PPARA: variants seen among roughly 807,000 people sequenced by gnomAD.
PPARA encodes peroxisome proliferator activated receptor alpha, also known as peroxisome proliferator-activated receptor alpha.
In PPARA, 22 loss-of-function variants were observed where a neutral mutation model predicts 42.2. The observed-to-expected ratio is 0.52, with a 90% confidence interval of 0.37 to 0.74. PPARA has a LOEUF of 0.74. Ranked by LOEUF, PPARA falls within the 30% of genes least tolerant of loss-of-function variation. PPARA has a pLI of 0.00. For synonymous variants in PPARA, 242 were observed against 239.3 expected, an observed-to-expected ratio of 1.01 and a Z score of -0.10; for missense variants, 465 against 608.2, an observed-to-expected ratio of 0.76 and a Z score of 2.48.
chr22:46,181,838 G>A (rs1183637565), intron 3 of PPARA, among the ~76,000 whole-genome samples: 3 of 152,054 alleles, frequency 2.0e-5, no homozygotes, highest in Non-Finnish European at 4.4e-5. Flanking sequence ...GACCTGAGCC[G>A]AACCTAAGGC....
intron 3 of PPARA, among the ~76,000 whole-genome samples, chr22:46,197,625 G>A (rs1932429011): frequency 6.6e-6 from 1 of 152,138 alleles, no homozygotes. Flanking sequence ...CAAGTGGCCA[G>A]GCGCAGTGGC....
Position 46,216,070 on chromosome 22 carries a change from T to C in PPARA, c.369+737T>C, listed in dbSNP as rs1296161961. 6.6e-6 allele frequency among the ~76,000 whole-genome samples: 1 copy of C among 152,122 alleles called. No individual in the cohort carries two copies. Among genetic ancestry groups the C allele is most frequent in the African/African-American group, 2.4e-5 (1 of 41,438 alleles). The stretch of plus-strand genomic sequence containing the variant: ...TGTGCTTTGTAAATACTTAGAGAAG[T>C]GCATTCTTTAAAAGAAAATAAGTCA... On this transcript the variant is annotated intron_variant, in intron 5 of 8. Transcript: ENST00000407236. This position sits in a 1 kb window ranked among gnomAD's most constrained non-coding sequence, Gnocchi z 4.5.
At chr22:46,164,464 G>C (rs1028744509) in intron 2 of PPARA, 3 of 152,158 alleles carry the variant, frequency 2.0e-5, no homozygotes, top group Non-Finnish European at 2.9e-5. Flanking sequence ...TGTTGGCCAA[G>C]CTGGTCTTGA....
At chr22:46,194,326 T>C (rs1329307455) in intron 3 of PPARA, among the ~76,000 whole-genome samples, 2 of 152,216 alleles carry the variant, frequency 1.3e-5, no homozygotes, top group Non-Finnish European at 2.9e-5. Context: ...AATCCTGGTA[T>C]TGTTTAAAAG....
At chr22:46,159,928 AAG>A (rs2147121384) in intron 2 of PPARA, among the ~76,000 whole-genome samples, 1 of 152,340 alleles carries the variant, frequency 6.6e-6, no homozygotes, top group East Asian at 1.9e-4. Context: ...CTCCGAAGCC[AAG>A]AGAGAGGTTT....
rs140773712 is a variant in PPARA, at chr22:46,193,248, G to C, written c.-42-5094G>C. Among the ~76,000 whole-genome samples the C allele has an allele frequency of 9.2e-3, 1,394 of 152,196 alleles. 19 individuals carry two copies. The highest frequency in any genetic ancestry group is 0.032 in the African/African-American group (1,314 of 41,518). The stretch of plus-strand genomic sequence containing the variant: ...CACCTGGCTAATGTTTGTATTTTTA[G>C]TAGGGACCGGGTTTCACCAGGTTGA... On this transcript the variant is annotated intron_variant, in intron 3 of 8. Coordinates refer to ENST00000407236, the MANE Select transcript of PPARA (RefSeq NM_005036.6). The surrounding 1 kb of genome is among the most constrained non-coding windows in gnomAD (Gnocchi z 5.3).
Position 46,173,787 on chromosome 22 carries a change from G to A in PPARA, c.-126-2966G>A, listed in dbSNP as rs546948517. ...ACAGAAGCGAAGTGTTCTGTGGTGT[G>A]TAGGAGCACACTGCCATTCTTAGCA... On this transcript the variant is annotated intron_variant, in intron 2 of 8. Coordinates refer to ENST00000407236, the MANE Select transcript of PPARA (RefSeq NM_005036.6). The surrounding 1 kb of genome is among the most constrained non-coding windows in gnomAD (Gnocchi z 4.3). Among the ~76,000 whole-genome samples the A allele has an allele frequency of 4.6e-4, 70 of 152,336 alleles. No individual in the cohort carries two copies. Among genetic ancestry groups the A allele is most frequent in the African/African-American group, 1.7e-3 (70 of 41,582 alleles).
chr22:46,206,746 C>T (rs1473799656), intron 4 of PPARA, among the ~76,000 whole-genome samples: 2 of 151,748 alleles, frequency 1.3e-5, no homozygotes, highest in Middle Eastern at 3.2e-3. Flanking sequence ...TTACATTTAC[C>T]CACATAATTA....
rs1219618915 is a variant in PPARA at position 46,207,668 on chromosome 22, A to AT, written c.209-7503dup. Among the ~76,000 whole-genome samples the AT allele has an allele frequency of 4.8e-4, 38 of 79,714 alleles. 2 individuals carry two copies. The highest frequency in any genetic ancestry group is 7.8e-4 in the South Asian group (2 of 2,576). The allele number at this position is 79,714 out of a possible 152,430, so 52.3% of individuals were successfully genotyped here. Reference sequence around the variant, plus strand: ...ATTTATTATTATTATTATTATTATTATTATTATTATTTTTTTTTTTTTTTT... The same window carrying AT: ...ATTTATTATTATTATTATTATTATTATTTATTATTATTTTTTTTTTTTTTTT... On this transcript the variant is annotated intron_variant, in intron 4 of 8. Coordinates refer to ENST00000407236, the MANE Select transcript of PPARA (RefSeq NM_005036.6).
rs76769722 is a variant in PPARA at position 46,162,894 on chromosome 22, G to C, written c.-127+10924G>C. ...ACTTGAGCAGCTATTAGGGGCATATGTCAGTCATTCATTCCTCAGTTCATG... is the reference window on the plus strand; with the variant it reads ...ACTTGAGCAGCTATTAGGGGCATATCTCAGTCATTCATTCCTCAGTTCATG... On this transcript the variant is annotated intron_variant, in intron 2 of 8. Coordinates refer to ENST00000407236, the MANE Select transcript of PPARA (RefSeq NM_005036.6). The surrounding 1 kb of genome is among the most constrained non-coding windows in gnomAD (Gnocchi z 6.0). Among the ~76,000 whole-genome samples the C allele has an allele frequency of 4.4e-3, 673 of 152,348 alleles. 6 individuals are homozygous for C. The highest frequency in any genetic ancestry group is 0.016 in the African/African-American group (646 of 41,582).
Position 46,180,189 on chromosome 22 carries a change from A to C in PPARA, c.-43+3353A>C, listed in dbSNP as rs552938429. 1.2e-3 allele frequency among the ~76,000 whole-genome samples: 172 copies of C among 148,268 alleles called. 1 individual carries two copies. Among genetic ancestry groups the C allele is most frequent in the African/African-American group, 4.1e-3 (169 of 40,886 alleles). ...CAAACACATTGAAAAACAGGTTGGC[A>C]GTTGCTTTTTTTTTTTTTTGAGATG... is the stretch of plus-strand genomic sequence containing the variant. On this transcript the variant is annotated intron_variant, in intron 3 of 8. Transcript: ENST00000407236. The surrounding 1 kb of genome is among the most constrained non-coding windows in gnomAD (Gnocchi z 4.2).
At position 46,203,266 on chromosome 22, in the gene PPARA, G is replaced by A. The variant is rs1483178583; in HGVS notation, c.208+4675G>A. Among the ~76,000 whole-genome samples, 2 of 152,096 alleles carry A rather than the reference G, an allele frequency of 1.3e-5. No homozygotes were observed. The highest frequency in any genetic ancestry group is 2.9e-5 in the Non-Finnish European group (2 of 68,020). Reference sequence around the variant, plus strand: ...ATTTGTACCTAATCTGATCTTTTGGGTAATATTCCTAGTTATGTAGACTGG... The same window carrying A: ...ATTTGTACCTAATCTGATCTTTTGGATAATATTCCTAGTTATGTAGACTGG... On this transcript the variant is annotated intron_variant, in intron 4 of 8. Transcript: ENST00000407236. The surrounding 1 kb of genome is among the most constrained non-coding windows in gnomAD (Gnocchi z 5.8).
At chr22:46,194,697 G>A (rs1274919711) in intron 3 of PPARA, among the ~76,000 whole-genome samples, 4 of 148,436 alleles carry the variant, frequency 2.7e-5, no homozygotes, top group Non-Finnish European at 5.9e-5. Context: ...TCAGCCTCCC[G>A]AGTAGCTGGG....
At position 46,218,605 on chromosome 22, in the gene PPARA, GGGT is replaced by G. The variant is rs1376312450; in HGVS notation, c.508+207_508+209del. On this transcript the variant is annotated intron_variant, in intron 6 of 8. Transcript: ENST00000407236. Reference sequence around the variant, plus strand: ...TCCCAGCACTTTGGGAGGCTGAGGTGGGTGGATCACCTCAGGTCAGGAGTTTGA... The same window carrying G: ...TCCCAGCACTTTGGGAGGCTGAGGTGGGATCACCTCAGGTCAGGAGTTTGA... 2.0e-5 allele frequency among the ~76,000 whole-genome samples: 3 copies of G among 151,940 alleles called. No homozygotes were observed. The East Asian group carries it at 5.8e-4, about 29-fold the overall frequency.
intron 4 of PPARA, among the ~76,000 whole-genome samples, chr22:46,201,108 G>A (rs1413432627): frequency 7.0e-6 from 1 of 142,980 alleles, no homozygotes; most frequent in African/African-American, 2.7e-5. Context: ...CTGGGCAACA[G>A]AGCAAGATTC....
chr22:46,214,275 T>C (rs1369358830), intron 4 of PPARA, among the ~76,000 whole-genome samples: 1 of 151,944 alleles, frequency 6.6e-6, no homozygotes. Flanking sequence ...TGGAGATGTG[T>C]GCAGCGGAGA....
intron 4 of PPARA, among the ~76,000 whole-genome samples, chr22:46,202,735 G>A (rs1029817363): frequency 2.0e-5 from 3 of 149,986 alleles, no homozygotes; most frequent in African/African-American, 7.3e-5. Context: ...GTGCGATCTT[G>A]GCCTGTAATC....
At position 46,224,757 on chromosome 22, in the gene PPARA, G is replaced by T. The variant is rs1935273676; in HGVS notation, c.711+4743G>T. On this transcript the variant is annotated intron_variant, in intron 7 of 8. Transcript: ENST00000407236. The surrounding 1 kb of genome is among the most constrained non-coding windows in gnomAD (Gnocchi z 5.7). ...TCGCCTCCTCCCTGCAGGGGCTGCT[G>T]GGGTGAAAGCAACCCTGAAATGTTC... Among the ~76,000 whole-genome samples the T allele has an allele frequency of 6.6e-6, 1 of 152,212 alleles. No homozygotes were observed. The highest frequency in any genetic ancestry group is 1.5e-5 in the Non-Finnish European group (1 of 68,038).
chr22:46,229,324 TG>T (rs1424631880), intron 7 of PPARA, among the ~76,000 whole-genome samples: 1 of 151,918 alleles, frequency 6.6e-6, no homozygotes, highest in Non-Finnish European at 1.5e-5. Context: ...AAGGCTGAGG[TG>T]GACAGATTGC....
Sources: gnomAD v4.1 joint callset for allele counts (sites outside exome capture counted in the v4.1 genomes callset) on GRCh38, gnomAD v4.1.1 for gene constraint, Gnocchi (gnomAD v3.1) non-coding constraint, MANE v1.5 for transcripts, NCBI Gene and HGNC (gene_info 2026-07-23, HGNC 2026-07-21) for gene names.